The following ALPK2 variants were observed in gnomAD, a reference collection of about 807,000 sequenced individuals.
ALPK2 encodes the protein alpha-protein kinase 2.
A neutral mutation model predicts 163.1 loss-of-function variants in ALPK2; 127 were observed. The observed-to-expected ratio is 0.78, with a 90% CI of 0.67 to 0.90. The LOEUF (loss-of-function observed/expected upper bound fraction) is 0.90. Among genes scored for constraint, ALPK2 ranks in the 40% least tolerant of loss-of-function variants. The pLI, the probability that ALPK2 is intolerant of heterozygous loss-of-function variation, is 0.00. For missense variants in ALPK2, 2,360 were observed against 2,589.6 expected (o/e 0.91, Z 1.92); for synonymous variants, 953 against 959.1 (o/e 0.99, Z 0.12).
rs2051640867 is a variant in ALPK2, at chr18:58,535,627, G to A, written c.4560C>T (p.Ser1520=). ...TTTTGCTTTGCTCAGCCTCCCCTAA[G>A]CTCCCATCACTGCTTTCTTGTATTT... ...IGQIQESSDG[S]LGEAEQSKKD... is the part of the protein sequence containing the mutation. The change falls in exon 5 of 13, where the codon AGC becomes AGT. Residue 1520 remains serine, a synonymous_variant. Transcript: ENST00000361673. The A allele has an allele frequency of 6.2e-7, 1 of 1,614,194 alleles. No individual in the cohort carries two copies. Among genetic ancestry groups the A allele is most frequent in the African/African-American group, 1.3e-5 (1 of 75,048 alleles).
At chr18:58,624,848 C>G (rs897742528) in intron 1 of ALPK2, among the ~76,000 whole-genome samples, 1 of 152,196 alleles carries the variant, frequency 6.6e-6, no homozygotes, top group African/African-American at 2.4e-5. Context: ...CATTCCAGAT[C>G]TCTATGTTGG....
At chr18:58,616,078 A>G (rs1057194762) in intron 1 of ALPK2, among the ~76,000 whole-genome samples, 1 of 152,224 alleles carries the variant, frequency 6.6e-6, no homozygotes, top group Non-Finnish European at 1.5e-5. Flanking sequence ...TCAATATTGA[A>G]TTATTGGTAT....
At chr18:58,587,198 A>C (rs1212738978) in intron 3 of ALPK2, among the ~76,000 whole-genome samples, 3 of 152,212 alleles carry the variant, frequency 2.0e-5, no homozygotes. Context: ...TTAGCTGACC[A>C]CTAAGCTAAC....
intron 4 of ALPK2, 76 bp downstream of exon 4, chr18:58,578,738 A>ACACACGCGTGCACGCGCGCG (rs138127797): frequency 1.1e-6 from 1 of 888,956 alleles, no homozygotes; most frequent in South Asian, 1.9e-5. Context: ...GAAGAGACAC[A>ACACACGCGTGCACGCGCGCG]CACACACACA....
intron 4 of ALPK2, among the ~76,000 whole-genome samples, chr18:58,574,399 A>C (rs2051908136): frequency 6.7e-6 from 1 of 149,180 alleles, no homozygotes; most frequent in Non-Finnish European, 1.5e-5. Context: ...CAGTGAGCCA[A>C]GATCATGCCA....
In ALPK2 at chr18:58,529,107, C is replaced by T; in HGVS notation, c.5485G>A (p.Ala1829Thr). 1 of 1,614,082 alleles carries T rather than the reference C, an allele frequency of 6.2e-7. No homozygotes were observed. Among genetic ancestry groups the T allele is most frequent in the Admixed American group, 1.7e-5 (1 of 60,022 alleles). Reference sequence around the variant, plus strand: ...ACATCGCACCTTCTCTGCACTTGGGCTATGGACTTTGAATCTTTTGTCCAG... The same window carrying T: ...ACATCGCACCTTCTCTGCACTTGGGTTATGGACTTTGAATCTTTTGTCCAG... ...ICWTKDSKSIAQVQRSAGDNS... is the reference protein window; with the variant it reads ...ICWTKDSKSITQVQRSAGDNS... The change falls in exon 6 of 13, where the codon GCC (alanine) becomes ACC (threonine). Residue 1829 changes from alanine (A) to threonine (T), a missense_variant. Coordinates refer to ENST00000361673, the MANE Select transcript of ALPK2 (RefSeq NM_052947.4).
At chr18:58,503,882 T>A in intron 11 of ALPK2, 49 bp downstream of exon 11, 3 of 1,533,044 alleles carry the variant, frequency 2.0e-6, no homozygotes, top group South Asian at 1.2e-5. Context: ...CACAGGAACA[T>A]CTCTGGCCCA....
At chr18:58,484,457 C>G (rs2051328397) in intron 12 of ALPK2, among the ~76,000 whole-genome samples, 1 of 152,140 alleles carries the variant, frequency 6.6e-6, no homozygotes, top group Non-Finnish European at 1.5e-5. Flanking sequence ...AATTGGTGGG[C>G]TAAGTTTCTG....
chr18:58,482,124 T>A, intron 12 of ALPK2, 85 bp from the exon 13 acceptor site: 2 of 940,342 alleles, frequency 2.1e-6, no homozygotes, highest in Non-Finnish European at 3.4e-6. Context: ...AAGGGAAAAC[T>A]AATGGTGCAT....
chr18:58,581,749 C>T (rs1282330919), intron 3 of ALPK2, among the ~76,000 whole-genome samples: 1 of 152,222 alleles, frequency 6.6e-6, no homozygotes, highest in African/African-American at 2.4e-5. Flanking sequence ...TAAGTATCAG[C>T]CAGCCCAGAA....
chr18:58,551,042 T>C (rs1369930417), intron 4 of ALPK2, among the ~76,000 whole-genome samples: 2 of 151,004 alleles, frequency 1.3e-5, no homozygotes, highest in African/African-American at 4.9e-5. Flanking sequence ...CTTATCACCA[T>C]CTCACCCCCG....
chr18:58,545,615 G>A (rs987691629), intron 4 of ALPK2, among the ~76,000 whole-genome samples: 1 of 152,184 alleles, frequency 6.6e-6, no homozygotes, highest in Admixed American at 6.5e-5. Context: ...GGGCCAGGAG[G>A]GCCAAGCCAC....
chr18:58,532,332 G>A (rs148858083), intron 5 of ALPK2, among the ~76,000 whole-genome samples: 2 of 152,288 alleles, frequency 1.3e-5, no homozygotes, highest in African/African-American at 2.4e-5. Flanking sequence ...ATCCCCACAC[G>A]AGAGGGGAGA....
chr18:58,571,178 T>A (rs1177229299), intron 4 of ALPK2, among the ~76,000 whole-genome samples: 1 of 151,996 alleles, frequency 6.6e-6, no homozygotes, highest in Non-Finnish European at 1.5e-5. Context: ...AGCGCCACCA[T>A]GCCTGGCTAA....
chr18:58,575,939 T>G (rs767791362), intron 4 of ALPK2, among the ~76,000 whole-genome samples: 1 of 152,200 alleles, frequency 6.6e-6, no homozygotes, highest in Non-Finnish European at 1.5e-5. Flanking sequence ...GGCCTTGTTC[T>G]TAGAACATTA....
In ALPK2 at chr18:58,580,055, T is replaced by C. The variant is rs1241133391; in HGVS notation, c.721A>G (p.Lys241Glu). ...CHKTVHSMAS[K>E]FTDGDLNNDG... ...TTGTTCAGGTCACCATCCGTGAACT[T>C]TGATGCCATGGAATGCACTGTCTTG... is the stretch of plus-strand genomic sequence containing the variant. Residue 241 changes from lysine (K) to glutamate (E), a missense_variant, in exon 4 of 13, where the codon AAG becomes GAG. Physicochemically the swap from Lys to Glu is moderately conservative, Grantham distance 56. Coordinates refer to ENST00000361673, the MANE Select transcript of ALPK2 (RefSeq NM_052947.4). 11 of 1,614,274 alleles carry C rather than the reference T, an allele frequency of 6.8e-6. No individual in the cohort carries two copies. The East Asian group carries it at 1.6e-4, about 23-fold the overall frequency.
intron 11 of ALPK2, among the ~76,000 whole-genome samples, chr18:58,499,359 T>C (rs1300973683): frequency 6.6e-6 from 1 of 152,178 alleles, no homozygotes; most frequent in African/African-American, 2.4e-5. Flanking sequence ...TTTTCCACTG[T>C]GAGGGAGGAT....
intron 4 of ALPK2, among the ~76,000 whole-genome samples, chr18:58,545,866 G>A (rs935946704): frequency 2.0e-5 from 3 of 152,128 alleles, no homozygotes; most frequent in Non-Finnish European, 2.9e-5. Context: ...ATTCTGGGCT[G>A]TTGTAGCCTC....
At chr18:58,509,397 C>G (rs1031481786) in intron 10 of ALPK2, among the ~76,000 whole-genome samples, 6 of 151,904 alleles carry the variant, frequency 3.9e-5, no homozygotes, top group Admixed American at 3.9e-4. Context: ...GGGTATATAC[C>G]CAGTAATGGG....
Sources: gnomAD v4.1 joint callset for allele counts (sites outside exome capture counted in the v4.1 genomes callset) on GRCh38, gnomAD v4.1.1 for gene constraint, MANE v1.5 for transcripts, NCBI Gene and HGNC (gene_info 2026-07-23, HGNC 2026-07-21) for gene names.